The following PDS5A variants were observed in gnomAD, a reference collection of about 807,000 sequenced individuals.
PDS5A encodes the protein PDS5 cohesin associated factor A, also known as sister chromatid cohesion protein PDS5 homolog A.
A neutral mutation model predicts 167.1 loss-of-function variants in PDS5A; 42 were observed. That is an observed-to-expected ratio of 0.25 (90% CI 0.20 to 0.33). The LOEUF is 0.33. Among genes scored for constraint, PDS5A ranks in the 10% least tolerant of loss-of-function variants. The pLI, the probability that PDS5A is intolerant of heterozygous loss-of-function variation, is 1.00. For missense variants in PDS5A, 1,033 were observed against 1,605.9 expected (o/e 0.64, Z 6.10); for synonymous variants, 553 against 554.6 (o/e 1.00, Z 0.04).
At chr4:39,844,142 C>A (rs902796195) in intron 30 of PDS5A, among the ~76,000 whole-genome samples, 1 of 151,540 alleles carries the variant, frequency 6.6e-6, no homozygotes, top group African/African-American at 2.4e-5. Context: ...AAAGTGAGAC[C>A]CTGTCTCTTA....
At chr4:39,941,269 T>A (rs982317267) in intron 2 of PDS5A, among the ~76,000 whole-genome samples, 4 of 152,238 alleles carry the variant, frequency 2.6e-5, no homozygotes, top group Non-Finnish European at 4.4e-5. Flanking sequence ...TCAGTATTTC[T>A]TGAATTAATG....
chr4:39,959,265 C>T (rs1021943149), intron 2 of PDS5A, among the ~76,000 whole-genome samples: 1 of 152,192 alleles, frequency 6.6e-6, no homozygotes. Context: ...CACAATGCCA[C>T]TACTTTAGTA....
At chr4:39,835,313 A>G (rs7657667) in intron 32 of PDS5A, among the ~76,000 whole-genome samples, 10,835 of 152,296 alleles carry the variant, frequency 0.071, 485 homozygotes, top group Non-Finnish European at 0.1. Context: ...TGTATTCTGA[A>G]TAACACACTG....
rs1433002249 is a variant in PDS5A at position 39,841,170 on chromosome 4, C to T, written c.3657+778G>A. Among the ~76,000 whole-genome samples the T allele has an allele frequency of 4.6e-5, 7 of 152,114 alleles. 1 individual carries two copies. Among genetic ancestry groups the T allele is most frequent in the Admixed American group, 1.3e-4 (2 of 15,282 alleles). ...CAATTCCTTTTTTGAGACAGAGTCT[C>T]GCTCTGTCGTTCAGGCTGGAGTGCA... On this transcript the variant is annotated intron_variant, in intron 31 of 32. Transcript: ENST00000303538.
chr4:39,960,028 G>A (rs1729328151), intron 2 of PDS5A, among the ~76,000 whole-genome samples: 1 of 152,158 alleles, frequency 6.6e-6, no homozygotes, highest in African/African-American at 2.4e-5. Context: ...GGGAGGTGGA[G>A]GTTGCAGTGA....
chr4:39,976,976 C>G (rs920406496), intron 1 of PDS5A, among the ~76,000 whole-genome samples: 1 of 152,186 alleles, frequency 6.6e-6, no homozygotes, highest in East Asian at 1.9e-4. Flanking sequence ...TGGGGAAGCA[C>G]CCAGTCCCGC....
intron 2 of PDS5A, among the ~76,000 whole-genome samples, chr4:39,948,952 C>T (rs151108536): frequency 9.9e-5 from 15 of 151,998 alleles, no homozygotes; most frequent in South Asian, 6.2e-4. Flanking sequence ...AACTAACAAA[C>T]GGATAAACAA....
chr4:39,933,733 A>G (rs188930324), intron 2 of PDS5A, among the ~76,000 whole-genome samples: 206 of 152,362 alleles, frequency 1.4e-3, no homozygotes, highest in African/African-American at 4.9e-3. Flanking sequence ...CAGAAATGAA[A>G]TTCCATTCAT....
intron 32 of PDS5A, among the ~76,000 whole-genome samples, chr4:39,826,971 T>A (rs1715381546): frequency 1.3e-5 from 2 of 152,152 alleles, no homozygotes; most frequent in Admixed American, 6.6e-5. Flanking sequence ...TTTGTTATAC[T>A]ATTTGAAGCA....
In PDS5A at chr4:39,900,382, A is replaced by G. The variant is rs766259395; in HGVS notation, c.1581+44T>C. The G allele has an allele frequency of 3.0e-5, 36 of 1,200,382 alleles. 1 individual carries two copies. In the Admixed American group the frequency reaches 5.1e-4, roughly 17 times the overall value. 74.4% of individuals were successfully genotyped at this position (1,200,382 alleles called of 1,614,324 possible). ...ACGTAGAACTACAGAAAATCTGAAC[A>G]GTGACTATAATAAACTATGAATTTA... On this transcript the variant is annotated intron_variant, in intron 14 of 32. Transcript: ENST00000303538.
At chr4:39,967,443 C>T (rs1384374945) in intron 2 of PDS5A, among the ~76,000 whole-genome samples, 2 of 152,052 alleles carry the variant, frequency 1.3e-5, no homozygotes, top group East Asian at 1.9e-4. Context: ...GTCAGGGGTT[C>T]GAGACAAGCC....
intron 21 of PDS5A, among the ~76,000 whole-genome samples, chr4:39,871,382 T>A (rs947654657): frequency 1.3e-5 from 2 of 152,124 alleles, no homozygotes; most frequent in African/African-American, 4.8e-5. Context: ...GAAAACCACA[T>A]CTATCGAAAG....
chr4:39,862,892 A>C lies in PDS5A; in HGVS notation c.2948T>G (p.Ile983Ser). The C allele has an allele frequency of 6.2e-7, 1 of 1,608,964 alleles. No individual in the cohort carries two copies. The highest frequency in any genetic ancestry group is 8.5e-7 in the Non-Finnish European group (1 of 1,178,262). ...LKNISIRREY[I>S]KQNPMATEKL... ...ACCAGTAGCCATAGGATTCTGCTTA[A>C]TGTATTCCCTGCGTATACTGATATT... is the stretch of plus-strand genomic sequence containing the variant. Residue 983 changes from isoleucine (I) to serine (S), a missense_variant, in exon 25 of 33, where the codon ATT becomes AGT. Physicochemically the swap from Ile to Ser is moderately radical, Grantham distance 142 (BLOSUM62 -2). Around this residue, in one of 4 missense-constraint regions of PDS5A, gnomAD observed 367 missense variants for 686.7 expected, o/e 0.53. Coordinates refer to ENST00000303538, the MANE Select transcript of PDS5A (RefSeq NM_001100399.2).
chr4:39,828,877 A>C (rs1329647530), intron 32 of PDS5A, among the ~76,000 whole-genome samples: 1 of 152,214 alleles, frequency 6.6e-6, no homozygotes, highest in Non-Finnish European at 1.5e-5. Flanking sequence ...AAATAAAGCA[A>C]GTGAAAGGTG....
At chr4:39,901,881 G>T (rs1722917457) in intron 13 of PDS5A, among the ~76,000 whole-genome samples, 1 of 151,990 alleles carries the variant, frequency 6.6e-6, no homozygotes, top group Admixed American at 6.6e-5. Flanking sequence ...ACACATCCTG[G>T]TTGGCCTGGG....
At chr4:39,960,855 A>G (rs929023408) in intron 2 of PDS5A, among the ~76,000 whole-genome samples, 2 of 152,022 alleles carry the variant, frequency 1.3e-5, no homozygotes, top group Non-Finnish European at 2.9e-5. Flanking sequence ...AAGTCCAGCT[A>G]ATTTTTGTAT....
chr4:39,928,297 T>G (rs1725648147), intron 2 of PDS5A, 133 bp from the exon 3 acceptor site: 3 of 593,952 alleles, frequency 5.1e-6, no homozygotes, highest in Non-Finnish European at 8.9e-6. Context: ...GTCAACTTTT[T>G]ATAAATCTTC....
chr4:39,961,312 T>A (rs566840122), intron 2 of PDS5A, among the ~76,000 whole-genome samples: 79 of 152,312 alleles, frequency 5.2e-4, no homozygotes, highest in Admixed American at 4.2e-3. Flanking sequence ...TTATTTATTT[T>A]TTTTGAGATG....
Position 39,837,939 on chromosome 4 carries a change from C to A in PDS5A, c.3927G>T (p.Leu1309Phe), listed in dbSNP as rs754081758. The A allele has an allele frequency of 1.5e-5, 24 of 1,613,872 alleles. No homozygotes were observed. The highest frequency in any genetic ancestry group is 2.0e-5 in the Non-Finnish European group (24 of 1,179,896). ...AAVGQESPGG[L>F]EAGNAKAPKL... is the part of the protein sequence containing the mutation. ...TGGGTGCTTTGGCATTACCTGCTTC[C>A]AAACCCCCAGGGCTCTCCTGACCCA... Residue 1309 changes from leucine to phenylalanine, a missense_variant, in exon 32 of 33, where the codon TTG (leucine) becomes TTT (phenylalanine). Coordinates refer to ENST00000303538, the MANE Select transcript of PDS5A (RefSeq NM_001100399.2).
Sources: gnomAD v4.1 joint callset for allele counts (sites outside exome capture counted in the v4.1 genomes callset) on GRCh38, gnomAD v4.1.1 for gene constraint, gnomAD v4.1.1 regional missense constraint, MANE v1.5 for transcripts, NCBI Gene and HGNC (gene_info 2026-07-23, HGNC 2026-07-21) for gene names.